MAP3K20: variants seen among roughly 807,000 people sequenced by gnomAD.
The protein encoded by MAP3K20 is mitogen-activated protein kinase kinase kinase 20.
A neutral mutation model predicts 85.7 loss-of-function variants in MAP3K20; 40 were observed. The ratio of observed to expected loss-of-function variants is 0.47; its 90% CI spans 0.36 to 0.61. The LOEUF (loss-of-function observed/expected upper bound fraction) is 0.61. Ranked by LOEUF, MAP3K20 falls within the 20% of genes least tolerant of loss-of-function variation. The pLI is 0.00. For missense variants in MAP3K20, 817 were observed against 961.7 expected, an observed-to-expected ratio of 0.85 and a Z score of 1.99; for synonymous variants, 325 against 327.7, an observed-to-expected ratio of 0.99 and a Z score of 0.09.
At chr2:173,100,233 G>C (rs1025123272) in intron 2 of MAP3K20, among the ~76,000 whole-genome samples, 5 of 152,346 alleles carry the variant, frequency 3.3e-5, no homozygotes, top group Admixed American at 6.5e-5. Context: ...ACTCTACCAA[G>C]TACTGCTACC....
intron 1 of MAP3K20, among the ~76,000 whole-genome samples, chr2:173,081,125 C>G (rs1437245624): frequency 6.6e-6 from 1 of 151,830 alleles, no homozygotes; most frequent in African/African-American, 2.4e-5. Flanking sequence ...GCATTCTCTT[C>G]TGTCCTACAC....
At chr2:173,089,180 A>AT (rs1277243782) in intron 1 of MAP3K20, among the ~76,000 whole-genome samples, 4 of 132,046 alleles carry the variant, frequency 3.0e-5, no homozygotes, top group South Asian at 2.6e-4. Context: ...CTACCTTTTT[A>AT]TTTAAAAAAA....
At chr2:173,088,055 A>G (rs139442768) in intron 1 of MAP3K20, among the ~76,000 whole-genome samples, 1 of 77,514 alleles carries the variant, frequency 1.3e-5, no homozygotes, top group African/African-American at 5.0e-5. Context: ...TAAAAACAAT[A>G]GAACCAAAGA....
chr2:173,252,506 A>G (rs548626583), intron 16 of MAP3K20, among the ~76,000 whole-genome samples: 1 of 152,202 alleles, frequency 6.6e-6, no homozygotes, highest in Non-Finnish European at 1.5e-5. Context: ...TGTATTTTTC[A>G]TTCATGTCAA....
At chr2:173,153,538 A>C (rs2106230159) in intron 2 of MAP3K20, among the ~76,000 whole-genome samples, 1 of 152,276 alleles carries the variant, frequency 6.6e-6, no homozygotes, top group East Asian at 1.9e-4. Flanking sequence ...TTAGAATATT[A>C]CTAAGAGGGT....
chr2:173,118,308 T>G (rs1688181844), intron 2 of MAP3K20, among the ~76,000 whole-genome samples: 1 of 152,216 alleles, frequency 6.6e-6, no homozygotes, highest in Non-Finnish European at 1.5e-5. Flanking sequence ...CATTAATGGA[T>G]CTAGTTCAGG....
At chr2:173,244,503 A>G (rs1233346673) in intron 16 of MAP3K20, among the ~76,000 whole-genome samples, 1 of 152,224 alleles carries the variant, frequency 6.6e-6, no homozygotes, top group East Asian at 1.9e-4. Flanking sequence ...TGATTCAGAA[A>G]GAGATAACAA....
chr2:173,247,266 T>C (rs1003099020), intron 16 of MAP3K20, among the ~76,000 whole-genome samples: 1 of 152,234 alleles, frequency 6.6e-6, no homozygotes, highest in African/African-American at 2.4e-5. Context: ...AATGTTGCTT[T>C]TAATAAACTT....
At chr2:173,157,861 C>T (rs961944655) in intron 2 of MAP3K20, among the ~76,000 whole-genome samples, 1 of 152,196 alleles carries the variant, frequency 6.6e-6, no homozygotes, top group African/African-American at 2.4e-5. Context: ...GTGGGGACAG[C>T]AGCTCAGGCC....
rs148016356 is a variant in MAP3K20 at position 173,199,590 on chromosome 2, G to C, written c.669+1478G>C. On this transcript the variant is annotated intron_variant, in intron 8 of 19. Coordinates refer to ENST00000375213, the MANE Select transcript of MAP3K20 (RefSeq NM_016653.3). ...CAAAGAAAATTACTGACCTTGTGTAGACTCTGGAACCAAAACATTCAGTGT... is the reference window on the plus strand; with the variant it reads ...CAAAGAAAATTACTGACCTTGTGTACACTCTGGAACCAAAACATTCAGTGT... Among the ~76,000 whole-genome samples the C allele has an allele frequency of 1.7e-4, 26 of 151,280 alleles. 1 individual carries two copies. The highest frequency in any genetic ancestry group is 5.3e-4 in the African/African-American group (22 of 41,286).
At chr2:173,182,217 T>A (rs1444214825) in intron 3 of MAP3K20, among the ~76,000 whole-genome samples, 1 of 152,212 alleles carries the variant, frequency 6.6e-6, no homozygotes, top group Non-Finnish European at 1.5e-5. Flanking sequence ...AGGGCTGGTG[T>A]GAGAGTGATG....
chr2:173,147,913 G>A (rs1007668388), intron 2 of MAP3K20, among the ~76,000 whole-genome samples: 2 of 151,956 alleles, frequency 1.3e-5, no homozygotes, highest in African/African-American at 4.8e-5. Context: ...TATGAATTTG[G>A]CCAAGAAGCA....
At chr2:173,075,599 G>A, upstream of MAP3K20, 1 of 292,992 alleles carries the variant, frequency 3.4e-6, no homozygotes, top group Non-Finnish European at 5.1e-6. Context: ...GTGTTAATTT[G>A]TCAAAAAGAT....
intron 2 of MAP3K20, among the ~76,000 whole-genome samples, chr2:173,122,970 A>T (rs1237595028): frequency 6.6e-6 from 1 of 152,180 alleles, no homozygotes; most frequent in African/African-American, 2.4e-5. Context: ...TTTTTCAGAG[A>T]TGCAGCGCTC....
At chr2:173,113,809 T>C (rs1221848123) in intron 2 of MAP3K20, among the ~76,000 whole-genome samples, 1 of 152,182 alleles carries the variant, frequency 6.6e-6, no homozygotes, top group East Asian at 1.9e-4. Flanking sequence ...TGGCCTATCA[T>C]ATGGTCTATC....
intron 2 of MAP3K20, among the ~76,000 whole-genome samples, chr2:173,108,145 A>ATT (rs200645216): frequency 3.4e-4 from 49 of 142,210 alleles, no homozygotes; most frequent in Non-Finnish European, 6.3e-4. Context: ...TTTTTTTTTT[A>ATT]TTTTTTTTTG....
chr2:173,175,340 G>A (rs1289173380), intron 3 of MAP3K20, among the ~76,000 whole-genome samples: 2 of 152,138 alleles, frequency 1.3e-5, no homozygotes, highest in African/African-American at 4.8e-5. Flanking sequence ...CCACATGACT[G>A]TTCCAAGTGT....
intron 2 of MAP3K20, among the ~76,000 whole-genome samples, chr2:173,110,296 C>G (rs1687933064): frequency 8.9e-6 from 1 of 112,554 alleles, no homozygotes. Context: ...CTTTGTCACC[C>G]AGGCTGGAGT....
chr2:173,088,155 G>A (rs1271712749), intron 1 of MAP3K20, among the ~76,000 whole-genome samples: 2 of 152,206 alleles, frequency 1.3e-5, no homozygotes, highest in East Asian at 3.8e-4. Context: ...TGTGTTAGGA[G>A]TGTAAAAAGC....
Sources: gnomAD v4.1 joint callset for allele counts (sites outside exome capture counted in the v4.1 genomes callset) on GRCh38, gnomAD v4.1.1 for gene constraint, MANE v1.5 for transcripts, NCBI Gene and HGNC (gene_info 2026-07-23, HGNC 2026-07-21) for gene names.